INPP4B: variants seen among roughly 807,000 people sequenced by gnomAD.
INPP4B encodes the protein inositol polyphosphate 4-phosphatase type II.
INPP4B carries 55 observed loss-of-function variants against 122.5 expected under a neutral mutation model. The ratio of observed to expected loss-of-function variants is 0.45; its 90% CI spans 0.36 to 0.56. The LOEUF (loss-of-function observed/expected upper bound fraction) is 0.56, where lower values mean the gene tolerates loss of function less well. Ranked by LOEUF, INPP4B falls within the 20% of genes least tolerant of loss-of-function variation. The pLI is 0.00. For synonymous variants in INPP4B, 403 were observed against 388.7 expected (o/e 1.04, Z -0.43); for missense variants, 1,000 against 1,097.7 (o/e 0.91, Z 1.26).
At position 142,208,463 on chromosome 4, in the gene INPP4B, T is replaced by C. The variant is rs1306172586; in HGVS notation, c.1034A>G (p.His345Arg). Residue 345 changes from histidine to arginine, a missense_variant, in exon 14 of 26, where the codon CAT becomes CGT. Transcript: ENST00000262992. Reference protein sequence around the residue: ...KTLEFVPINLHLQRMQVHSPH... With the variant: ...KTLEFVPINLRLQRMQVHSPH... Reference sequence around the variant, plus strand: ...GCTGTGTACCTGCATTCTTTGCAGATGTAGATTTATTGGAACAAATTCTAA... The same window carrying C: ...GCTGTGTACCTGCATTCTTTGCAGACGTAGATTTATTGGAACAAATTCTAA... 3 of 1,601,204 alleles carry C rather than the reference T, an allele frequency of 1.9e-6. No individual in the cohort carries two copies. Among genetic ancestry groups the C allele is most frequent in the East Asian group, 2.3e-5 (1 of 44,116 alleles).
In INPP4B at chr4:142,026,160, T is replaced by C. The variant is rs1736933049; in HGVS notation, c.*2622A>G. 6.6e-6 allele frequency: 1 copy of C among 152,178 alleles called. No homozygotes were observed. The highest frequency in any genetic ancestry group is 1.5e-5 in the Non-Finnish European group (1 of 68,016). 9.4% of individuals were successfully genotyped at this position (152,178 alleles called of 1,614,324 possible). On this transcript the variant is annotated 3_prime_UTR_variant, in exon 26 of 26. Transcript: ENST00000262992. ...CTGGTGTATCTTTTAAGTGAAAATA[T>C]AGATAGAATAGCATGACTGTGGCTG...
chr4:142,114,095 C>T (rs1791678087), intron 21 of INPP4B, among the ~76,000 whole-genome samples: 1 of 151,922 alleles, frequency 6.6e-6, no homozygotes, highest in Non-Finnish European at 1.5e-5. Context: ...CCTTTTTCAC[C>T]TAGCATAATG....
chr4:142,527,929 G>C (rs965886479), intron 2 of INPP4B, among the ~76,000 whole-genome samples: 2 of 151,800 alleles, frequency 1.3e-5, no homozygotes, highest in African/African-American at 4.8e-5. Context: ...AAATAAAATG[G>C]TACGTAAAAT....
At chr4:142,214,752 C>T (rs958474214) in intron 12 of INPP4B, among the ~76,000 whole-genome samples, 8 of 152,058 alleles carry the variant, frequency 5.3e-5, no homozygotes, top group African/African-American at 1.4e-4. Context: ...GGGGTTTCAC[C>T]GTGTTAGTCA....
intron 2 of INPP4B, among the ~76,000 whole-genome samples, chr4:142,595,332 T>A (rs1738468707): frequency 1.3e-5 from 2 of 151,870 alleles, no homozygotes; most frequent in African/African-American, 4.8e-5. Context: ...TGCTAAAAGA[T>A]TCTACAGCTA....
chr4:142,431,528 C>A (rs563564364), intron 3 of INPP4B, 143 bp from the exon 4 acceptor site: 1 of 463,322 alleles, frequency 2.2e-6, no homozygotes, highest in East Asian at 3.8e-5. Flanking sequence ...CCATTCCACA[C>A]AGTTAATGCA....
At chr4:142,616,827 G>A (rs552253175) in intron 2 of INPP4B, among the ~76,000 whole-genome samples, 1 of 152,188 alleles carries the variant, frequency 6.6e-6, no homozygotes, top group Non-Finnish European at 1.5e-5. Context: ...TAAGTGAAAT[G>A]ACTCAGAAAC....
chr4:142,091,278 G>C (rs1220126577), intron 23 of INPP4B, among the ~76,000 whole-genome samples: 1 of 152,170 alleles, frequency 6.6e-6, no homozygotes, highest in Non-Finnish European at 1.5e-5. Flanking sequence ...CCAGGAAAGT[G>C]ATTTCTAATG....
intron 25 of INPP4B, chr4:142,029,976 T>C (rs1327420084): frequency 3.6e-6 from 5 of 1,381,486 alleles, no homozygotes; most frequent in Non-Finnish European, 3.7e-6. Context: ...ATAGTACTTT[T>C]TGTTTTTTAG....
chr4:142,123,252 A>G (rs1375243643), intron 20 of INPP4B, 40 bp downstream of exon 20: 2 of 1,488,674 alleles, frequency 1.3e-6, no homozygotes, highest in Non-Finnish European at 1.8e-6. Context: ...GTCCTTCTGA[A>G]TAGAAATGTG....
chr4:142,558,655 T>TG (rs56763042), intron 2 of INPP4B, among the ~76,000 whole-genome samples: 2 of 150,708 alleles, frequency 1.3e-5, no homozygotes, highest in African/African-American at 2.4e-5. Flanking sequence ...CAGTGGGTGT[T>TG]GGGGGGGCAG....
intron 17 of INPP4B, among the ~76,000 whole-genome samples, chr4:142,150,551 G>A (rs1043190072): frequency 6.6e-6 from 1 of 152,146 alleles, no homozygotes; most frequent in African/African-American, 2.4e-5. Flanking sequence ...ACTCCTTGGA[G>A]GTCAACTGGC....
chr4:142,434,055 T>G (rs1486823380), intron 3 of INPP4B, among the ~76,000 whole-genome samples: 2 of 152,196 alleles, frequency 1.3e-5, no homozygotes, highest in African/African-American at 4.8e-5. Context: ...ATAATGCAAC[T>G]TATTTACAAT....
chr4:142,845,876 C>T (rs1334490100), intron 1 of INPP4B, among the ~76,000 whole-genome samples: 4 of 152,086 alleles, frequency 2.6e-5, no homozygotes, highest in Non-Finnish European at 5.9e-5. Context: ...CTCAGAGTTC[C>T]ACGGGGGCCC....
In INPP4B at chr4:142,428,342, G is replaced by A. The variant is rs548249969; in HGVS notation, c.136+831C>T. On this transcript the variant is annotated intron_variant, in intron 5 of 25. Coordinates refer to ENST00000262992, the MANE Select transcript of INPP4B (RefSeq NM_001101669.3). ...AATACTATATGTGGTCTCTGTATAC[G>A]AAATTGAATATGTGCATGTATTAGT... Among the ~76,000 whole-genome samples, 7 of 149,476 alleles carry A rather than the reference G, an allele frequency of 4.7e-5. No homozygotes were observed. In the South Asian group the frequency reaches 1.1e-3, roughly 23 times the overall value.
intron 1 of INPP4B, among the ~76,000 whole-genome samples, chr4:142,760,582 T>G (rs1024312903): frequency 6.6e-6 from 1 of 152,120 alleles, no homozygotes; most frequent in Non-Finnish European, 1.5e-5. Flanking sequence ...AAATTTATAC[T>G]TTCAACTACT....
chr4:142,523,270 C>T (rs1051420985), intron 2 of INPP4B, among the ~76,000 whole-genome samples: 2 of 151,950 alleles, frequency 1.3e-5, no homozygotes, highest in African/African-American at 4.8e-5. Context: ...TTAACTAGCC[C>T]CCAGATAATT....
In INPP4B at chr4:142,498,199, G is replaced by A. The variant is rs142960060; in HGVS notation, c.-190-35473C>T. 1.8e-3 allele frequency among the ~76,000 whole-genome samples: 265 copies of A among 149,084 alleles called. 2 individuals carry two copies. Among genetic ancestry groups the A allele is most frequent in the African/African-American group, 6.4e-3 (251 of 39,370 alleles). On this transcript the variant is annotated intron_variant, in intron 2 of 25. Transcript: ENST00000262992. ...TACATACATATGTATGTGTGTGCGT[G>A]TGTGTATATATATATATACACATAT...
intron 18 of INPP4B, among the ~76,000 whole-genome samples, chr4:142,138,345 A>G (rs1228599114): frequency 7.4e-6 from 1 of 134,682 alleles, no homozygotes; most frequent in Admixed American, 8.4e-5. Flanking sequence ...ATGAGAACAC[A>G]TGGACACAGG....
Sources: gnomAD v4.1 joint callset for allele counts (sites outside exome capture counted in the v4.1 genomes callset) on GRCh38, gnomAD v4.1.1 for gene constraint, MANE v1.5 for transcripts, NCBI Gene and HGNC (gene_info 2026-07-23, HGNC 2026-07-21) for gene names.